The following B3GALNT2 variants were observed in gnomAD, a reference collection of about 807,000 sequenced individuals.
The protein encoded by B3GALNT2 is UDP-GalNAc:beta-1,3-N-acetylgalactosaminyltransferase 2.
In B3GALNT2, 53 loss-of-function variants were observed where a neutral mutation model predicts 61.1. That is an observed-to-expected ratio of 0.87 (90% CI 0.70 to 1.09). The LOEUF (loss-of-function observed/expected upper bound fraction) is 1.09. Ranked by LOEUF, B3GALNT2 falls within the 50% of genes least tolerant of loss-of-function variation. The pLI is 0.00. For synonymous variants in B3GALNT2, 223 were observed against 237.4 expected, an observed-to-expected ratio of 0.94 and a Z score of 0.56; for missense variants, 544 against 623.0, an observed-to-expected ratio of 0.87 and a Z score of 1.35.
chr1:235,504,311 G>A lies in B3GALNT2; in HGVS notation c.-59C>T. 1.4e-6 allele frequency: 2 copies of A among 1,460,636 alleles called. No homozygotes were observed. The highest frequency in any genetic ancestry group is 6.0e-5 in the East Asian group (2 of 33,396). The allele number at this position is 1,460,636 out of a possible 1,614,324, so 90.5% of individuals were successfully genotyped here. ...GTCCCGGCGGAGAGGGAGGGGACCT[G>A]CAAGTGCGGAGACTGAGGGGCGGCG... On this transcript the variant is annotated 5_prime_UTR_variant, in exon 1 of 12. Coordinates refer to ENST00000366600, the MANE Select transcript of B3GALNT2 (RefSeq NM_152490.5).
chr1:235,451,469 T>A (rs1572476869), intron 11 of B3GALNT2: 2 of 84,912 alleles, frequency 2.4e-5, no homozygotes, highest in African/African-American at 4.9e-5. Flanking sequence ...CATGAGATGG[T>A]CACAAAAAAA....
intron 4 of B3GALNT2, among the ~76,000 whole-genome samples, chr1:235,482,740 T>C (rs537173269): frequency 1.6e-4 from 25 of 152,208 alleles, no homozygotes; most frequent in African/African-American, 4.3e-4. Context: ...GATGGGCGGA[T>C]AGCTTGAGCC....
At chr1:235,473,287 A>T (rs1001067968) in intron 5 of B3GALNT2, among the ~76,000 whole-genome samples, 3 of 152,212 alleles carry the variant, frequency 2.0e-5, no homozygotes, top group Non-Finnish European at 2.9e-5. Context: ...ATATTCCAAG[A>T]GTCCGGATTC....
intron 5 of B3GALNT2, among the ~76,000 whole-genome samples, chr1:235,477,160 A>C (rs914969965): frequency 2.0e-5 from 3 of 152,200 alleles, no homozygotes; most frequent in African/African-American, 7.2e-5. Flanking sequence ...AACACAAGCA[A>C]GGAAGGTTAA....
rs1682647418 is a variant in B3GALNT2 at position 235,448,597 on chromosome 1, G to A, written c.*1609C>T. 7.1e-7 allele frequency: 1 copy of A among 1,414,860 alleles called. No homozygotes were observed. The highest frequency in any genetic ancestry group is 1.1e-5 in the South Asian group (1 of 87,008). The allele number at this position is 1,414,860 out of a possible 1,614,324, so 87.6% of individuals were successfully genotyped here. On this transcript the variant is annotated 3_prime_UTR_variant, in exon 12 of 12. Coordinates refer to ENST00000366600, the MANE Select transcript of B3GALNT2 (RefSeq NM_152490.5). Reference sequence around the variant, plus strand: ...AGCTACTGCCTGGGGACGGGGTGGGGGAAGAGTATGTGTAGCATGCTTTAT... The same window carrying A: ...AGCTACTGCCTGGGGACGGGGTGGGAGAAGAGTATGTGTAGCATGCTTTAT...
chr1:235,465,939 A>C (rs1683673344), intron 6 of B3GALNT2: 2 of 475,462 alleles, frequency 4.2e-6, no homozygotes, highest in South Asian at 3.9e-5. Flanking sequence ...ACATTCCATA[A>C]GGTGTTCAGA....
intron 11 of B3GALNT2, chr1:235,452,103 C>G (rs11807563): frequency 1.3e-5 from 2 of 152,310 alleles, no homozygotes; most frequent in Non-Finnish European, 2.9e-5. Context: ...AGCTCTGCCC[C>G]CCGGGTTCAT....
At chr1:235,472,912 T>A (rs947849150) in intron 5 of B3GALNT2, among the ~76,000 whole-genome samples, 3 of 152,188 alleles carry the variant, frequency 2.0e-5, no homozygotes, top group East Asian at 3.8e-4. Context: ...TCTTTTTTTT[T>A]ATTTTTATTT....
chr1:235,453,236 C>T (rs1444078686), intron 10 of B3GALNT2, 90 bp from the exon 11 acceptor site: 4 of 1,293,858 alleles, frequency 3.1e-6, no homozygotes, highest in Non-Finnish European at 4.4e-6. Flanking sequence ...TCATAAACCA[C>T]CTTTCTACTT....
chr1:235,490,031 C>T (rs944835717), intron 2 of B3GALNT2, among the ~76,000 whole-genome samples: 1 of 152,150 alleles, frequency 6.6e-6, no homozygotes, highest in Admixed American at 6.5e-5. Flanking sequence ...ATGCTCTCTT[C>T]CCTTCCTTCT....
rs1682596352 is a variant in B3GALNT2, at chr1:235,448,311, T to A, written c.*1895A>T. 1 of 1,576,356 alleles carries A rather than the reference T, an allele frequency of 6.3e-7. No individual in the cohort carries two copies. Among genetic ancestry groups the A allele is most frequent in the Admixed American group, 1.7e-5 (1 of 59,954 alleles). On this transcript the variant is annotated 3_prime_UTR_variant, in exon 12 of 12. Transcript: ENST00000366600. ...GAGCTAGTTTTACAGGTAACTGTCA[T>A]TTGAGAGAACGAATGGACTTTTCTT... is the stretch of plus-strand genomic sequence containing the variant.
intron 5 of B3GALNT2, among the ~76,000 whole-genome samples, chr1:235,478,568 C>T (rs568487919): frequency 1.3e-5 from 2 of 152,278 alleles, no homozygotes; most frequent in South Asian, 4.1e-4. Flanking sequence ...AACAATTCAT[C>T]CTAAGAAAAT....
At chr1:235,442,234 G>T (rs1558394542), downstream of B3GALNT2, among the ~76,000 whole-genome samples, 2 of 152,078 alleles carry the variant, frequency 1.3e-5, no homozygotes, top group Admixed American at 1.3e-4. Context: ...GCAGTGGCAC[G>T]ATCTTGGCTC....
At chr1:235,498,886 T>C (rs1685458102) in intron 1 of B3GALNT2, among the ~76,000 whole-genome samples, 1 of 144,236 alleles carries the variant, frequency 6.9e-6, no homozygotes, top group Admixed American at 7.6e-5. Context: ...GGCTACTCTT[T>C]TTCATTGCGG....
intron 8 of B3GALNT2, 95 bp from the exon 9 acceptor site, chr1:235,455,779 G>T: frequency 7.3e-7 from 1 of 1,364,484 alleles, no homozygotes; most frequent in Non-Finnish European, 1.0e-6. Context: ...AACTGTACCT[G>T]TCATTATCTA....
At chr1:235,462,532 GATCA>G (rs1414564599) in intron 7 of B3GALNT2, among the ~76,000 whole-genome samples, 5 of 152,278 alleles carry the variant, frequency 3.3e-5, no homozygotes, top group African/African-American at 4.8e-5. Context: ...GCAGCACACA[GATCA>G]ATCACAAAAA....
chr1:235,471,076 T>A (rs1683982219), intron 5 of B3GALNT2, 116 bp from the exon 6 acceptor site: 4 of 1,496,694 alleles, frequency 2.7e-6, no homozygotes, highest in Non-Finnish European at 3.6e-6. Flanking sequence ...TCATTTAAAA[T>A]TTTCACCCCA....
chr1:235,440,127 C>T, the B3GALNT2 span, among the ~76,000 whole-genome samples: 6 of 152,042 alleles, frequency 3.9e-5, no homozygotes, highest in Non-Finnish European at 5.9e-5. Flanking sequence ...CCCACCACCA[C>T]ACCCGGCTAA....
At chr1:235,473,440 C>T (rs568219741) in intron 5 of B3GALNT2, among the ~76,000 whole-genome samples, 8 of 152,192 alleles carry the variant, frequency 5.3e-5, no homozygotes, top group South Asian at 2.1e-4. Context: ...ATGAGAGTGA[C>T]GATAACTCTC....
Sources: allele counts gnomAD v4.1 joint callset (sites outside exome capture counted in the v4.1 genomes callset), GRCh38; gene constraint gnomAD v4.1.1; transcripts MANE v1.5; gene names NCBI Gene and HGNC (gene_info 2026-07-23, HGNC 2026-07-21).